The following SHANK1 variants were observed in gnomAD, a reference collection of about 807,000 sequenced individuals.
SHANK1 encodes SH3 and multiple ankyrin repeat domains protein 1.
SHANK1 carries 35 observed loss-of-function variants against 165.6 expected under a neutral mutation model. That is an observed-to-expected ratio of 0.21 (90% CI 0.16 to 0.28). SHANK1 has a LOEUF of 0.28. Ranked by LOEUF, SHANK1 falls within the 10% of genes least tolerant of loss-of-function variation. The pLI is 1.00. For synonymous variants in SHANK1, 1,428 were observed against 1,384.8 expected (o/e 1.03, Z -0.69); for missense variants, 2,681 against 3,036.4 (o/e 0.88, Z 2.75).
rs1272081544 is a variant in SHANK1, at chr19:50,662,478, C to T, written c.5973G>A (p.Arg1991=). The T allele has an allele frequency of 1.9e-6, 3 of 1,552,124 alleles. No individual in the cohort carries two copies. Among genetic ancestry groups the T allele is most frequent in the East Asian group, 2.4e-5 (1 of 42,050 alleles). ...RHLQGVEFEM[R]PPLLRRAPSP... The stretch of plus-strand genomic sequence containing the variant: ...TGGGGGCCCGGCGGAGCAGAGGGGG[C>T]CGCATCTCGAACTCCACGCCCTGGA... The change falls in exon 24 of 24, where the codon CGG becomes CGA. Residue 1991 remains arginine (R), a synonymous_variant. Coordinates refer to ENST00000293441, the MANE Select transcript of SHANK1 (RefSeq NM_016148.5). The surrounding 1 kb of genome is among the most constrained non-coding windows in gnomAD (Gnocchi z 7.7).
At chr19:50,694,865 G>A (rs1189185688) in intron 15 of SHANK1, among the ~76,000 whole-genome samples, 2 of 150,536 alleles carry the variant, frequency 1.3e-5, no homozygotes, top group Non-Finnish European at 3.0e-5. Context: ...GGGGCCTGCC[G>A]GCCGGCCCGC....
chr19:50,693,985 C>T (rs919368025), intron 15 of SHANK1, among the ~76,000 whole-genome samples: 44 of 151,670 alleles, frequency 2.9e-4, no homozygotes, highest in African/African-American at 1.0e-3. Context: ...GAAGCACAGC[C>T]GCAGTCCCTG....
At chr19:50,677,329 T>C (rs994356706) in intron 21 of SHANK1, among the ~76,000 whole-genome samples, 10 of 152,238 alleles carry the variant, frequency 6.6e-5, no homozygotes, top group Middle Eastern at 3.4e-3. Context: ...GGGTTCACCA[T>C]GTTGCCCAGG....
At chr19:50,708,344 A>C (rs1249508820) in intron 8 of SHANK1, among the ~76,000 whole-genome samples, 2 of 152,126 alleles carry the variant, frequency 1.3e-5, no homozygotes, top group African/African-American at 4.8e-5. Context: ...TACAAAGCTG[A>C]GAAGGTGTGC....
Position 50,688,726 on chromosome 19 carries a change from G to T in SHANK1, c.2172+118C>A, listed in dbSNP as rs1040288891. 1 of 1,016,000 alleles carries T rather than the reference G, an allele frequency of 9.8e-7. No individual in the cohort carries two copies. The highest frequency in any genetic ancestry group is 1.4e-6 in the Non-Finnish European group (1 of 693,982). The allele number at this position is 1,016,000 out of a possible 1,614,324, so 62.9% of individuals were successfully genotyped here. On this transcript the variant is annotated intron_variant, in intron 17 of 23. Transcript: ENST00000293441. The surrounding 1 kb of genome is among the most constrained non-coding windows in gnomAD (Gnocchi z 6.7). ...AGGCTGGCTGGGGGGTGGGCAGGGG[G>T]CTGGGAATCCTGGTGCCAAAGGAGA...
chr19:50,671,720 G>A (rs935747072), intron 22 of SHANK1, among the ~76,000 whole-genome samples: 1 of 152,064 alleles, frequency 6.6e-6, no homozygotes, highest in Non-Finnish European at 1.5e-5. Flanking sequence ...TCGGGTATAA[G>A]AGAAACAACC....
intron 8 of SHANK1, among the ~76,000 whole-genome samples, chr19:50,708,304 C>T (rs997971251): frequency 1.5e-4 from 23 of 152,226 alleles, no homozygotes; most frequent in African/African-American, 5.3e-4. Context: ...GAGCACAGCC[C>T]CTAAGGTCAC....
Position 50,697,973 on chromosome 19 carries a change from G to A in SHANK1, c.1748-17C>T, listed in dbSNP as rs1419039424. 2.6e-6 allele frequency: 4 copies of A among 1,550,930 alleles called. No homozygotes were observed. Among genetic ancestry groups the A allele is most frequent in the African/African-American group, 1.4e-5 (1 of 73,526 alleles). On this transcript the variant is annotated splice_polypyrimidine_tract_variant and intron_variant, in intron 12 of 23. Transcript: ENST00000293441. The surrounding 1 kb of genome is among the most constrained non-coding windows in gnomAD (Gnocchi z 4.7). ...TGCTAAGTACTGGATGGGGAACGGGGACATAGAGACATTTCTGTGTTTCTG... is the reference window on the plus strand; with the variant it reads ...TGCTAAGTACTGGATGGGGAACGGGAACATAGAGACATTTCTGTGTTTCTG...
chr19:50,713,792 C>A lies in SHANK1; in HGVS notation c.792+6G>T. The A allele has an allele frequency of 6.2e-7, 1 of 1,612,214 alleles. No individual in the cohort carries two copies. The highest frequency in any genetic ancestry group is 8.5e-7 in the Non-Finnish European group (1 of 1,179,448). On this transcript the variant is annotated splice_donor_region_variant and intron_variant, in intron 6 of 23. Transcript: ENST00000293441. The surrounding 1 kb of genome is among the most constrained non-coding windows in gnomAD (Gnocchi z 6.2). ...TGGCGGGGATGGGGGGTCCCCGAAGCCTCACCGTGAGTGCCAGGCAGTGTC... is the reference window on the plus strand; with the variant it reads ...TGGCGGGGATGGGGGGTCCCCGAAGACTCACCGTGAGTGCCAGGCAGTGTC...
Position 50,716,287 on chromosome 19 carries a change from G to T in SHANK1, c.447C>A (p.Val149=), listed in dbSNP as rs1273749639. The change falls in exon 3 of 24, where the codon GTC becomes GTA. Residue 149 remains valine (V), a synonymous_variant. Transcript: ENST00000293441. This position sits in a 1 kb window ranked among gnomAD's most constrained non-coding sequence, Gnocchi z 8.4. The part of the protein sequence containing the change: ...REYPQSFEKG[V]PYLEFRYKTR... Reference sequence around the variant, plus strand: ...GGGGAAGCTTCACCTCCAGGTAGGGGACCCCCTTCTCAAAGGACTGGGGGT... The same window carrying T: ...GGGGAAGCTTCACCTCCAGGTAGGGTACCCCCTTCTCAAAGGACTGGGGGT... 1 of 1,613,982 alleles carries T rather than the reference G, an allele frequency of 6.2e-7. No homozygotes were observed. The highest frequency in any genetic ancestry group is 1.1e-5 in the South Asian group (1 of 91,078).
At chr19:50,685,575 T>G (rs908459616) in intron 21 of SHANK1, among the ~76,000 whole-genome samples, 18 of 151,796 alleles carry the variant, frequency 1.2e-4, no homozygotes, top group African/African-American at 4.4e-4. Flanking sequence ...AATACAAAAA[T>G]TAGCCAGGCA....
Position 50,716,254 on chromosome 19 carries a change from A to G in SHANK1, c.459+21T>C. The G allele has an allele frequency of 1.2e-6, 2 of 1,608,998 alleles. No homozygotes were observed. The highest frequency in any genetic ancestry group is 1.7e-6 in the Non-Finnish European group (2 of 1,175,696). ...TAGGGCATGCCTTCTCTTATCAGTG[A>G]AGGAGTTGGGGAAGCTTCACCTCCA... On this transcript the variant is annotated intron_variant, in intron 3 of 23. Transcript: ENST00000293441. This position sits in a 1 kb window ranked among gnomAD's most constrained non-coding sequence, Gnocchi z 8.4.
intron 15 of SHANK1, among the ~76,000 whole-genome samples, chr19:50,694,890 C>T (rs1986680684): frequency 6.6e-6 from 1 of 150,558 alleles, no homozygotes; most frequent in African/African-American, 2.4e-5. Flanking sequence ...CAGGAGGCGG[C>T]GCGCTCCGTT....
Position 50,666,240 on chromosome 19 carries a change from C to T in SHANK1, c.5720G>A (p.Gly1907Glu), listed in dbSNP as rs745901446. The T allele has an allele frequency of 6.2e-7, 1 of 1,609,510 alleles. No homozygotes were observed. The highest frequency in any genetic ancestry group is 1.1e-5 in the South Asian group (1 of 90,204). ...CCTCTCGGGGACATAGCTGGCTCCCCCGTGGTGGCTGTCTCCGCCTCCCCC... is the reference window on the plus strand; with the variant it reads ...CCTCTCGGGGACATAGCTGGCTCCCTCGTGGTGGCTGTCTCCGCCTCCCCC... ...GSGGGGDSHH[G>E]GASYVPERTS... The change falls in exon 23 of 24, where the codon GGG becomes GAG. Residue 1907 changes from glycine to glutamate, a missense_variant. Physicochemically the swap from Gly to Glu is moderately conservative, Grantham distance 98 (BLOSUM62 -2). Coordinates refer to ENST00000293441, the MANE Select transcript of SHANK1 (RefSeq NM_016148.5).
rs1296267833 is a variant in SHANK1, at chr19:50,660,120, G to T, written c.*1845C>A. Among the ~76,000 whole-genome samples the T allele has an allele frequency of 3.9e-5, 2 of 50,912 alleles. No homozygotes were observed. Among genetic ancestry groups the T allele is most frequent in the Non-Finnish European group, 6.8e-5 (2 of 29,416 alleles). The allele number at this position is 50,912 out of a possible 152,430, so 33.4% of individuals were successfully genotyped here. A position where few individuals can be genotyped will look rare whatever the true frequency, so the allele number is the denominator to read the frequency against. ...CTCCCTTCTTTGGCAGCTGAACATG[G>T]GGGGGGGACCTGAGGGCAACGCCCT... On this transcript the variant is annotated 3_prime_UTR_variant, in exon 24 of 24. Coordinates refer to ENST00000293441, the MANE Select transcript of SHANK1 (RefSeq NM_016148.5).
rs1985645936 is a variant in SHANK1, at chr19:50,668,368, G to C, written c.3592C>G (p.Pro1198Ala). ...GGTGACATGGCCGGGGCGGGGCTGG[G>C]CGAGGAGCCGCCGCCGCCGCCGCCT... ...TGGGGGGGSS[P>A]SPAPAMSPVP... Residue 1198 changes from proline (P) to alanine (A), a missense_variant, in exon 23 of 24, where the codon CCC becomes GCC. Pro to Ala is a conservative substitution (Grantham distance 27). This residue lies in a region of SHANK1 where 1,713 missense variants were observed against 1,630.2 expected (regional missense o/e 1.05). Coordinates refer to ENST00000293441, the MANE Select transcript of SHANK1 (RefSeq NM_016148.5). 3.9e-6 allele frequency: 5 copies of C among 1,267,216 alleles called. No homozygotes were observed. The highest frequency in any genetic ancestry group is 5.0e-6 in the Non-Finnish European group (5 of 1,006,104). The allele number at this position is 1,267,216 out of a possible 1,614,324, so 78.5% of individuals were successfully genotyped here.
rs1226619388 is a variant in SHANK1, at chr19:50,697,196, C to G, written c.1938-74G>C. ...CACCCATCTCCTCACCCCAATCCCACCCAGCCCTGACTGCACCCTCCCCAC... is the reference window on the plus strand; with the variant it reads ...CACCCATCTCCTCACCCCAATCCCAGCCAGCCCTGACTGCACCCTCCCCAC... On this transcript the variant is annotated intron_variant, in intron 14 of 23. Coordinates refer to ENST00000293441, the MANE Select transcript of SHANK1 (RefSeq NM_016148.5). This position sits in a 1 kb window ranked among gnomAD's most constrained non-coding sequence, Gnocchi z 4.7. The G allele has an allele frequency of 3.1e-6, 5 of 1,611,756 alleles. No individual in the cohort carries two copies. Among genetic ancestry groups the G allele is most frequent in the Non-Finnish European group, 3.4e-6 (4 of 1,178,230 alleles).
At chr19:50,671,219 T>C (rs1985781762) in intron 22 of SHANK1, among the ~76,000 whole-genome samples, 1 of 135,846 alleles carries the variant, frequency 7.4e-6, no homozygotes, top group African/African-American at 2.8e-5. Context: ...AGGGTTGCTC[T>C]GTCGCCCAGG....
intron 12 of SHANK1, among the ~76,000 whole-genome samples, chr19:50,698,225 A>G (rs10414031): frequency 0.05 from 7,583 of 152,118 alleles, 633 homozygotes; most frequent in African/African-American, 0.17. Context: ...GCAGGTCCAC[A>G]ATTGGTCCTT....
Sources: gnomAD v4.1 joint callset for allele counts (sites outside exome capture counted in the v4.1 genomes callset) on GRCh38, gnomAD v4.1.1 for gene constraint, gnomAD v4.1.1 regional missense constraint, Gnocchi (gnomAD v3.1) non-coding constraint, MANE v1.5 for transcripts, NCBI Gene and HGNC (gene_info 2026-07-23, HGNC 2026-07-21) for gene names.